MCOLN2: variants seen among roughly 807,000 people sequenced by gnomAD.
MCOLN2 encodes the protein mucolipin TRP cation channel 2.
A neutral mutation model predicts 67.5 loss-of-function variants in MCOLN2; 57 were observed. That is an observed-to-expected ratio of 0.84 (90% CI 0.68 to 1.05). The LOEUF is 1.05. Among genes scored for constraint, MCOLN2 ranks in the 50% least tolerant of loss-of-function variants. The pLI, the probability that MCOLN2 is intolerant of heterozygous loss-of-function variation, is 0.00. For synonymous variants in MCOLN2, 246 were observed against 233.3 expected, an observed-to-expected ratio of 1.05 and a Z score of -0.50; for missense variants, 620 against 678.8, an observed-to-expected ratio of 0.91 and a Z score of 0.96.
intron 13 of MCOLN2, among the ~76,000 whole-genome samples, chr1:84,929,249 T>G (rs1340926623): frequency 6.6e-6 from 1 of 152,218 alleles, no homozygotes; most frequent in Non-Finnish European, 1.5e-5. Flanking sequence ...AAATAAGAGC[T>G]TTGACCTCTT....
intron 1 of MCOLN2, among the ~76,000 whole-genome samples, chr1:84,980,154 A>G (rs562615246): frequency 6.6e-6 from 1 of 152,314 alleles, no homozygotes; most frequent in African/African-American, 2.4e-5. Context: ...TAAAACACTG[A>G]TGAAAGAAAT....
chr1:84,934,237 T>C (rs775755050), intron 11 of MCOLN2, among the ~76,000 whole-genome samples: 3 of 152,200 alleles, frequency 2.0e-5, no homozygotes, highest in Non-Finnish European at 4.4e-5. Flanking sequence ...CTACAGTTCC[T>C]TCCCTCCAAG....
At chr1:84,928,283 G>A (rs536585651) in intron 13 of MCOLN2, among the ~76,000 whole-genome samples, 21 of 152,168 alleles carry the variant, frequency 1.4e-4, no homozygotes, top group African/African-American at 3.6e-4. Flanking sequence ...CAGACCCTCC[G>A]TCTCACCATG....
chr1:84,939,222 C>A (rs552581408), intron 9 of MCOLN2, among the ~76,000 whole-genome samples: 1 of 152,290 alleles, frequency 6.6e-6, no homozygotes, highest in East Asian at 1.9e-4. Flanking sequence ...CACAGATCCT[C>A]CCCACAAGCT....
In MCOLN2 at chr1:84,952,639, T is replaced by G. The variant is rs1002988363; in HGVS notation, c.566-109A>C. ...AGGTTACTTACGGAGTTTCAAAGTATCTCCCTAGAAAATACTTAGCAATTA... is the reference window on the plus strand; with the variant it reads ...AGGTTACTTACGGAGTTTCAAAGTAGCTCCCTAGAAAATACTTAGCAATTA... On this transcript the variant is annotated intron_variant, in intron 4 of 13. Coordinates refer to ENST00000370608, the MANE Select transcript of MCOLN2 (RefSeq NM_153259.4). 4.3e-6 allele frequency: 3 copies of G among 705,812 alleles called. No individual in the cohort carries two copies. In the African/African-American group the frequency reaches 5.4e-5, roughly 13 times the overall value. The allele number at this position is 705,812 out of a possible 1,614,324, so 43.7% of individuals were successfully genotyped here.
At chr1:84,973,572 G>A (rs1057005193) in intron 1 of MCOLN2, among the ~76,000 whole-genome samples, 1 of 152,128 alleles carries the variant, frequency 6.6e-6, no homozygotes, top group African/African-American at 2.4e-5. Flanking sequence ...AAATTAGGGG[G>A]TTCATGGTGG....
intron 1 of MCOLN2, among the ~76,000 whole-genome samples, chr1:84,987,252 G>A (rs955671083): frequency 2.0e-4 from 14 of 69,724 alleles, no homozygotes; most frequent in African/African-American, 4.7e-4. Context: ...TATGTATATA[G>A]ATATACATAT....
intron 1 of MCOLN2, among the ~76,000 whole-genome samples, chr1:84,970,225 C>T (rs1649600694): frequency 6.6e-6 from 1 of 151,776 alleles, no homozygotes; most frequent in Non-Finnish European, 1.5e-5. Context: ...ATTCTCAGGC[C>T]CTTGAGAATA....
chr1:84,941,812 T>C (rs2102817945), intron 7 of MCOLN2, among the ~76,000 whole-genome samples: 1 of 152,308 alleles, frequency 6.6e-6, no homozygotes, highest in Non-Finnish European at 1.5e-5. Flanking sequence ...TCTCTGTATG[T>C]AGAGAAAATT....
At chr1:84,944,739 A>C (rs1162961042) in intron 7 of MCOLN2, among the ~76,000 whole-genome samples, 1 of 152,190 alleles carries the variant, frequency 6.6e-6, no homozygotes, top group Non-Finnish European at 1.5e-5. Context: ...GTGAAAATGG[A>C]CATTCACCTG....
rs12064092 is a variant in MCOLN2, at chr1:84,939,706, T to C, written c.961-4A>G. On this transcript the variant is annotated splice_polypyrimidine_tract_variant and splice_region_variant and intron_variant, in intron 8 of 13. Coordinates refer to ENST00000370608, the MANE Select transcript of MCOLN2 (RefSeq NM_153259.4). ...CCAGGAAGAAATTTAGAAATCTCTA[T>C]GGCAAACATTTAAAGAAGCGTTTCT... 235 of 1,613,738 alleles carry C rather than the reference T, an allele frequency of 1.5e-4. 3 individuals are homozygous for C. In the South Asian group the frequency reaches 1.5e-3, roughly 11 times the overall value.
intron 9 of MCOLN2, among the ~76,000 whole-genome samples, chr1:84,938,719 C>T (rs970368525): frequency 3.9e-5 from 6 of 152,112 alleles, no homozygotes; most frequent in Non-Finnish European, 7.4e-5. Flanking sequence ...GCTGACAAGA[C>T]GTCCTAGAGG....
intron 1 of MCOLN2, among the ~76,000 whole-genome samples, chr1:84,976,794 A>G (rs1241891629): frequency 6.6e-6 from 1 of 152,130 alleles, no homozygotes; most frequent in East Asian, 1.9e-4. Flanking sequence ...GACAAACAAA[A>G]GCTGAGGGAT....
In MCOLN2 at chr1:84,950,973, G is replaced by A. The variant is rs143099360; in HGVS notation, c.747+1270C>T. 1.1e-3 allele frequency among the ~76,000 whole-genome samples: 165 copies of A among 152,098 alleles called. 1 individual carries two copies. Among genetic ancestry groups the A allele is most frequent in the African/African-American group, 3.6e-3 (149 of 41,472 alleles). On this transcript the variant is annotated intron_variant, in intron 6 of 13. Transcript: ENST00000370608. ...CCAATATTTTTAAACCCACACTTCC[G>A]ACCATATCATGACAAAGTCATCAAT... is the stretch of plus-strand genomic sequence containing the variant.
Position 84,940,909 on chromosome 1 carries a change from T to A in MCOLN2, c.930A>T (p.Arg310Ser), listed in dbSNP as rs1176633227. The A allele has an allele frequency of 1.2e-6, 2 of 1,613,232 alleles. No homozygotes were observed. Among genetic ancestry groups the A allele is most frequent in the Admixed American group, 1.7e-5 (1 of 59,968 alleles). The change falls in exon 8 of 14, where the codon AGA becomes AGT. Residue 310 changes from arginine (R) to serine (S), a missense_variant. By Grantham distance (110) the Arg-to-Ser change is moderately radical. Coordinates refer to ENST00000370608, the MANE Select transcript of MCOLN2 (RefSeq NM_153259.4). ...ICLASLILCT[R>S]SIVLALRLRK... ...GTAACCTTAGAGCAAGAACAATGGA[T>A]CTTGTACACAGAATAAGAGATGCCA...
At chr1:84,982,937 C>T (rs949095623) in intron 1 of MCOLN2, among the ~76,000 whole-genome samples, 1 of 152,002 alleles carries the variant, frequency 6.6e-6, no homozygotes, top group Non-Finnish European at 1.5e-5. Context: ...AGGCTGGTCT[C>T]GAACTCCTGA....
chr1:84,938,611 G>T (rs1019728238), intron 9 of MCOLN2, among the ~76,000 whole-genome samples: 1 of 152,196 alleles, frequency 6.6e-6, no homozygotes, highest in Admixed American at 6.5e-5. Flanking sequence ...ATCACAGAGG[G>T]ACACCACAGA....
intron 4 of MCOLN2, among the ~76,000 whole-genome samples, chr1:84,955,155 C>A (rs900278732): frequency 2.0e-5 from 3 of 152,142 alleles, no homozygotes; most frequent in African/African-American, 7.2e-5. Context: ...CTCCTTCCTG[C>A]CACCATGTAA....
At chr1:84,953,708 G>C (rs531169) in intron 4 of MCOLN2, among the ~76,000 whole-genome samples, 1 of 144,802 alleles carries the variant, frequency 6.9e-6, no homozygotes, top group Non-Finnish European at 1.5e-5. Context: ...AGTAAAAACA[G>C]ATTATGAGCT....
Sources: gnomAD v4.1 joint callset for allele counts (sites outside exome capture counted in the v4.1 genomes callset) on GRCh38, gnomAD v4.1.1 for gene constraint, MANE v1.5 for transcripts, NCBI Gene and HGNC (gene_info 2026-07-23, HGNC 2026-07-21) for gene names.